XIRP1: variants seen among roughly 807,000 people sequenced by gnomAD.
XIRP1 encodes the protein xin actin-binding repeat-containing protein 1.
For missense variants in XIRP1, 2,378 were observed against 2,345.4 expected, an observed-to-expected ratio of 1.01 and a Z score of -0.29; for synonymous variants, 984 against 947.0, an observed-to-expected ratio of 1.04 and a Z score of -0.72.
At position 39,189,215 on chromosome 3, in the gene XIRP1, C is replaced by T. The variant is rs1355362463; in HGVS notation, c.231G>A (p.Leu77=). ...GTTCCTCAGAGCCCAGGACCTCAGC[C>T]AGATCCTCGGCCACAGCCTCAGCCA... The part of the protein sequence containing the change: ...KNLAEAVAED[L]AEVLGSEEPT... Residue 77 remains leucine, a synonymous_variant, in exon 2 of 2, where the codon CTG becomes CTA. Transcript: ENST00000340369. 2 of 1,614,198 alleles carry T rather than the reference C, an allele frequency of 1.2e-6. No individual in the cohort carries two copies. The highest frequency in any genetic ancestry group is 1.7e-5 in the Admixed American group (1 of 60,036).
In XIRP1 at chr3:39,188,650, C is replaced by T. The variant is rs1408792573; in HGVS notation, c.796G>A (p.Val266Met). 6.2e-7 allele frequency: 1 copy of T among 1,613,288 alleles called. No homozygotes were observed. Among genetic ancestry groups the T allele is most frequent in the Non-Finnish European group, 8.5e-7 (1 of 1,180,046 alleles). Reference protein sequence around the residue: ...ACREEIQSNAVRSARWLFETR... With the variant: ...ACREEIQSNAMRSARWLFETR... ...TCAAAGAGCCAGCGGGCAGACCTCA[C>T]CGCGTTGCTTTGGATCTCCTCCCGG... Residue 266 changes from valine (V) to methionine (M), a missense_variant, in exon 2 of 2, where the codon GTG becomes ATG. Coordinates refer to ENST00000340369, the MANE Select transcript of XIRP1 (RefSeq NM_194293.4).
chr3:39,187,475 C>G lies in XIRP1; in HGVS notation c.1971G>C (p.Gln657His), dbSNP rs754376271. The change falls in exon 2 of 2, where the codon CAG becomes CAC. Residue 657 changes from glutamine to histidine, a missense_variant. Coordinates refer to ENST00000340369, the MANE Select transcript of XIRP1 (RefSeq NM_194293.4). ...QVSQVPAGER[Q>H]TDRHVFETEP... Reference sequence around the variant, plus strand: ...CGGTCTCAAAGACGTGTCTGTCTGTCTGTCTTTCCCCAGCCGGGACCTGGC... The same window carrying G: ...CGGTCTCAAAGACGTGTCTGTCTGTGTGTCTTTCCCCAGCCGGGACCTGGC... 4 of 1,614,100 alleles carry G rather than the reference C, an allele frequency of 2.5e-6. No homozygotes were observed. In the East Asian group the frequency reaches 8.9e-5, roughly 36 times the overall value.
chr3:39,185,347 C>A lies in XIRP1; in HGVS notation c.4099G>T (p.Asp1367Tyr). Residue 1367 changes from aspartate to tyrosine, a missense_variant, in exon 2 of 2, where the codon GAT becomes TAT. Physicochemically the swap from Asp to Tyr is radical, Grantham distance 160. Coordinates refer to ENST00000340369, the MANE Select transcript of XIRP1 (RefSeq NM_194293.4). ...TTGGCTGGCTGAGGGATGGCTGTAT[C>A]TCTCTCACCTCGTTGGTGTTCTCTT... is the stretch of plus-strand genomic sequence containing the variant. ...GQREHQRGER[D>Y]TAIPQPAKVP... 4.3e-6 allele frequency: 7 copies of A among 1,614,206 alleles called. No individual in the cohort carries two copies. Among genetic ancestry groups the A allele is most frequent in the Non-Finnish European group, 5.9e-6 (7 of 1,180,038 alleles).
intron 1 of XIRP1, among the ~76,000 whole-genome samples, chr3:39,191,757 C>T (rs187295014): frequency 2.0e-5 from 3 of 152,318 alleles, no homozygotes; most frequent in Admixed American, 2.0e-4. Flanking sequence ...CGGGTCACCT[C>T]CTCCTTGGCC....
Position 39,187,300 on chromosome 3 carries a change from T to A in XIRP1, c.2146A>T (p.Ile716Phe). The change falls in exon 2 of 2, where the codon ATC becomes TTC. Residue 716 changes from isoleucine (I) to phenylalanine (F), a missense_variant. Physicochemically the swap from Ile to Phe is conservative, Grantham distance 21. Coordinates refer to ENST00000340369, the MANE Select transcript of XIRP1 (RefSeq NM_194293.4). ...GAACCCGCGGGGATGGACCCAGCGA[T>A]TACCCGGGGCTCCTGTTCTTCCTTC... The part of the protein sequence containing the change: ...GKKEEQEPRV[I>F]AGSIPAGSVH... 1 of 1,589,130 alleles carries A rather than the reference T, an allele frequency of 6.3e-7. No homozygotes were observed. Among genetic ancestry groups the A allele is most frequent in the Non-Finnish European group, 8.6e-7 (1 of 1,166,900 alleles).
chr3:39,184,288 C>A lies in XIRP1; in HGVS notation c.5158G>T (p.Gly1720Trp), dbSNP rs1379147056. Reference sequence around the variant, plus strand: ...GAGCACTGGGTGATGTCCTTCTTCCCAGTTTTGTCTTGGACACCTTTCTGG... The same window carrying A: ...GAGCACTGGGTGATGTCCTTCTTCCAAGTTTTGTCTTGGACACCTTTCTGG... ...LHQKGVQDKT[G>W]KKDITQCSVQ... The change falls in exon 2 of 2, where the codon GGG becomes TGG. Residue 1720 changes from glycine to tryptophan, a missense_variant. By Grantham distance (184) the Gly-to-Trp change is radical. Transcript: ENST00000340369. 6.2e-7 allele frequency: 1 copy of A among 1,614,166 alleles called. No homozygotes were observed. Among genetic ancestry groups the A allele is most frequent in the South Asian group, 1.1e-5 (1 of 91,084 alleles).
Position 39,186,271 on chromosome 3 carries a change from G to T in XIRP1, c.3175C>A (p.Arg1059=), listed in dbSNP as rs189815397. The T allele has an allele frequency of 4.3e-6, 7 of 1,613,530 alleles. No homozygotes were observed. The highest frequency in any genetic ancestry group is 1.1e-5 in the South Asian group (1 of 91,060). The stretch of plus-strand genomic sequence containing the variant: ...CTCTGGGCTTCAGCTGTTGCCATCC[G>T]CAGACTCTGCATGGCGGCCAGGAGG... ...PDLLAAMQSL[R]MATAEAQSLH... is the part of the protein sequence containing the mutation. The change falls in exon 2 of 2, where the codon CGG becomes AGG. Residue 1059 remains arginine, a synonymous_variant. Transcript: ENST00000340369.
Position 39,189,384 on chromosome 3 carries a change from T to C in XIRP1, c.62A>G (p.Asp21Gly), listed in dbSNP as rs748653907. ...TPTMRMATAEDLPLPPPPALE... is the reference protein window; with the variant it reads ...TPTMRMATAEGLPLPPPPALE... ...GGCTGGGGGTGGAGGGAGGGGCAGG[T>C]CCTCTGCAGTTGCCATCCTCATGGT... The change falls in exon 2 of 2, where the codon GAC (aspartate) becomes GGC (glycine). Residue 21 changes from aspartate (D) to glycine (G), a missense_variant. Coordinates refer to ENST00000340369, the MANE Select transcript of XIRP1 (RefSeq NM_194293.4). 3.1e-6 allele frequency: 5 copies of C among 1,610,188 alleles called. No individual in the cohort carries two copies. Among genetic ancestry groups the C allele is most frequent in the Non-Finnish European group, 4.2e-6 (5 of 1,178,744 alleles).
rs2040023824 is a variant in XIRP1, at chr3:39,188,276, C to T, written c.1170G>A (p.Leu390=). The T allele has an allele frequency of 1.2e-6, 2 of 1,614,190 alleles. No homozygotes were observed. The highest frequency in any genetic ancestry group is 2.2e-5 in the East Asian group (1 of 44,884). The change falls in exon 2 of 2, where the codon CTG becomes CTA. Residue 390 remains leucine, a synonymous_variant. Transcript: ENST00000340369. ...CTTGGACCTTGTCTCTGAAAGCATC[C>T]AGGGGCTTTGTTTCAAATAGCCACA... ...STLWLFETKP[L]DAFRDKVQVG... is the part of the protein sequence containing the mutation.
chr3:39,184,047 C>G lies in XIRP1; in HGVS notation c.5399G>C (p.Gly1800Ala), dbSNP rs1431791806. The stretch of plus-strand genomic sequence containing the variant: ...GGAGGCGTGGAGCCCGAGGTGGGAG[C>G]CTGGGTTCCTGGGTGGCTCTGCCTG... ...TEQAEPPRNP[G>A]SHLGLHASPL... is the part of the protein sequence containing the mutation. The change falls in exon 2 of 2, where the codon GGC becomes GCC. Residue 1800 changes from glycine to alanine, a missense_variant. Coordinates refer to ENST00000340369, the MANE Select transcript of XIRP1 (RefSeq NM_194293.4). The G allele has an allele frequency of 6.2e-7, 1 of 1,611,270 alleles. No homozygotes were observed. The highest frequency in any genetic ancestry group is 8.5e-7 in the Non-Finnish European group (1 of 1,178,278).
At position 39,188,499 on chromosome 3, in the gene XIRP1, A is replaced by G. The variant is rs1003281921; in HGVS notation, c.947T>C (p.Leu316Pro). 6.2e-7 allele frequency: 1 copy of G among 1,605,144 alleles called. No individual in the cohort carries two copies. The highest frequency in any genetic ancestry group is 8.5e-7 in the Non-Finnish European group (1 of 1,173,384). The change falls in exon 2 of 2, where the codon CTG becomes CCG. Residue 316 changes from leucine (L) to proline (P), a missense_variant. Leu to Pro is a moderately conservative substitution (Grantham distance 98). Transcript: ENST00000340369. The stretch of plus-strand genomic sequence containing the variant: ...TACCAAGATCTCCCGGATGGCATCC[A>G]GGGGCTGTGTCTCAAAGATCCAGCG... Reference protein sequence around the residue: ...ATRWIFETQPLDAIREILVDE... With the variant: ...ATRWIFETQPPDAIREILVDE...
Position 39,185,314 on chromosome 3 carries a change from T to C in XIRP1, c.4132A>G (p.Thr1378Ala). The C allele has an allele frequency of 6.2e-7, 1 of 1,614,148 alleles. No individual in the cohort carries two copies. Among genetic ancestry groups the C allele is most frequent in the Non-Finnish European group, 8.5e-7 (1 of 1,180,028 alleles). Residue 1378 changes from threonine (T) to alanine (A), a missense_variant, in exon 2 of 2, where the codon ACT becomes GCT. Coordinates refer to ENST00000340369, the MANE Select transcript of XIRP1 (RefSeq NM_194293.4). ...GGTATGTGGCCCTGGTCTACAGTAG[T>C]GGGAACCTTGGCTGGCTGAGGGATG... ...TAIPQPAKVP[T>A]TVDQGHIPLA...
Position 39,183,906 on chromosome 3 carries a change from G to A in XIRP1, c.*8C>T, listed in dbSNP as rs377751911. 5.4e-5 allele frequency: 87 copies of A among 1,606,440 alleles called. No individual in the cohort carries two copies. The highest frequency in any genetic ancestry group is 8.4e-5 in the Admixed American group (5 of 59,660). The stretch of plus-strand genomic sequence containing the variant: ...ACAGGTGGCAGGTGTGGTGGGAGGC[G>A]GTGGGCCTCACTGGGCAGCTGGCTG... On this transcript the variant is annotated 3_prime_UTR_variant, in exon 2 of 2. Coordinates refer to ENST00000340369, the MANE Select transcript of XIRP1 (RefSeq NM_194293.4).
At chr3:39,190,838 T>C (rs542362266) in intron 1 of XIRP1, among the ~76,000 whole-genome samples, 2 of 152,218 alleles carry the variant, frequency 1.3e-5, no homozygotes, top group South Asian at 4.1e-4. Flanking sequence ...ATAGCTGAGG[T>C]CCTGGCCTCA....
In XIRP1 at chr3:39,187,120, G is replaced by T. The variant is rs9823779; in HGVS notation, c.2326C>A (p.Arg776=). 3.1e-5 allele frequency: 50 copies of T among 1,613,018 alleles called. No individual in the cohort carries two copies. The highest frequency in any genetic ancestry group is 4.2e-5 in the Non-Finnish European group (50 of 1,179,264). Reference sequence around the variant, plus strand: ...ATGCCAGGTGTGGCATGCAGAGTCCGCAGGGTCCCCTCAGCTGCAGTCTCC... The same window carrying T: ...ATGCCAGGTGTGGCATGCAGAGTCCTCAGGGTCCCCTCAGCTGCAGTCTCC... ...SQETAAEGTL[R]TLHATPGILH... Residue 776 remains arginine, a synonymous_variant, in exon 2 of 2, where the codon CGG becomes AGG. Coordinates refer to ENST00000340369, the MANE Select transcript of XIRP1 (RefSeq NM_194293.4).
rs542365092 is a variant in XIRP1, at chr3:39,185,818, C to T, written c.3628G>A (p.Ala1210Thr). The T allele has an allele frequency of 3.7e-6, 6 of 1,613,694 alleles. No individual in the cohort carries two copies. The highest frequency in any genetic ancestry group is 1.1e-5 in the South Asian group (1 of 91,020). ...TQMAWGPPGK[A>T]MAEVCPGGLQ... is the part of the protein sequence containing the mutation. ...CCCCCTGGGCAGACTTCTGCCATCG[C>T]CTTCCCTGGTGGCCCCCAGGCCATC... is the stretch of plus-strand genomic sequence containing the variant. The change falls in exon 2 of 2, where the codon GCG becomes ACG. Residue 1210 changes from alanine (A) to threonine (T), a missense_variant. By Grantham distance (58) the Ala-to-Thr change is moderately conservative. Transcript: ENST00000340369.
At position 39,186,271 on chromosome 3, in the gene XIRP1, G is replaced by A. The variant is rs189815397; in HGVS notation, c.3175C>T (p.Arg1059Trp). The A allele has an allele frequency of 5.8e-5, 94 of 1,613,530 alleles. No homozygotes were observed. Among genetic ancestry groups the A allele is most frequent in the Middle Eastern group, 3.3e-4 (2 of 6,058 alleles). ...PDLLAAMQSL[R>W]MATAEAQSLH... ...CTCTGGGCTTCAGCTGTTGCCATCC[G>A]CAGACTCTGCATGGCGGCCAGGAGG... The change falls in exon 2 of 2, where the codon CGG (arginine) becomes TGG (tryptophan). Residue 1059 changes from arginine (R) to tryptophan (W), a missense_variant. Coordinates refer to ENST00000340369, the MANE Select transcript of XIRP1 (RefSeq NM_194293.4).
Position 39,184,324 on chromosome 3 carries a change from C to T in XIRP1, c.5122G>A (p.Ala1708Thr). ...STQLAQDIGQALLHQKGVQDK... is the reference protein window; with the variant it reads ...STQLAQDIGQTLLHQKGVQDK... ...TGGACACCTTTCTGGTGGAGCAGGG[C>T]CTGGCCTATGTCCTGAGCCAGTTGT... The change falls in exon 2 of 2, where the codon GCC becomes ACC. Residue 1708 changes from alanine (A) to threonine (T), a missense_variant. Ala to Thr is a moderately conservative substitution (Grantham distance 58). Transcript: ENST00000340369. The T allele has an allele frequency of 6.2e-7, 1 of 1,614,216 alleles. No individual in the cohort carries two copies. The highest frequency in any genetic ancestry group is 8.5e-7 in the Non-Finnish European group (1 of 1,180,046).
rs894457304 is a variant in XIRP1 at position 39,188,713 on chromosome 3, C to T, written c.733G>A (p.Asp245Asn). ...FQTEPLCAIQ[D>N]AEGAIHEVKA... ...ACCTCATGGATGGCGCCCTCTGCAT[C>T]CTGGATGGCACACAGGGGCTCCGTT... is the stretch of plus-strand genomic sequence containing the variant. Residue 245 changes from aspartate to asparagine, a missense_variant, in exon 2 of 2, where the codon GAT (aspartate) becomes AAT (asparagine). Coordinates refer to ENST00000340369, the MANE Select transcript of XIRP1 (RefSeq NM_194293.4). 6.2e-6 allele frequency: 10 copies of T among 1,613,646 alleles called. No homozygotes were observed. In the African/African-American group the frequency reaches 1.2e-4, roughly 19 times the overall value.
Sources: allele counts gnomAD v4.1 joint callset (sites outside exome capture counted in the v4.1 genomes callset), GRCh38; gene constraint gnomAD v4.1.1; transcripts MANE v1.5; gene names NCBI Gene and HGNC (gene_info 2026-07-23, HGNC 2026-07-21).